DDX43: variants seen among roughly 807,000 people sequenced by gnomAD.
DDX43 encodes probable ATP-dependent RNA helicase DDX43.
Under a neutral mutation model 84.9 loss-of-function variants are expected in DDX43, and 50 were observed. The observed-to-expected ratio is 0.59, with a 90% CI of 0.47 to 0.75. The LOEUF (loss-of-function observed/expected upper bound fraction) is 0.75, where lower values mean the gene tolerates loss of function less well. Among genes scored for constraint, DDX43 ranks in the 30% least tolerant of loss-of-function variants. The probability of loss-of-function intolerance (pLI) is 0.00; values close to 1 mark genes in which losing one functional copy is unlikely to be tolerated. For missense variants in DDX43, 689 were observed against 798.6 expected (o/e 0.86, Z 1.65); for synonymous variants, 291 against 266.3 (o/e 1.09, Z -0.90).
chr6:73,394,850 G>C lies in DDX43; in HGVS notation c.-56G>C. 6.3e-7 allele frequency: 1 copy of C among 1,590,796 alleles called. No homozygotes were observed. The highest frequency in any genetic ancestry group is 8.6e-7 in the Non-Finnish European group (1 of 1,167,964). ...GGCACGCTACTCTTACGACGTCACG[G>C]TCAGGTGGTGCAGAGCTGGACGGCA... is the stretch of plus-strand genomic sequence containing the variant. On this transcript the variant is annotated 5_prime_UTR_variant, in exon 1 of 17. Transcript: ENST00000370336.
intron 9 of DDX43, among the ~76,000 whole-genome samples, chr6:73,408,552 T>C (rs1053994893): frequency 2.0e-5 from 3 of 152,082 alleles, no homozygotes; most frequent in Non-Finnish European, 4.4e-5. Flanking sequence ...GCTGTCGATT[T>C]TATTTTTTAT....
chr6:73,398,041 C>T, intron 2 of DDX43: 1 of 213,304 alleles, frequency 4.7e-6, no homozygotes, highest in Non-Finnish European at 9.2e-6. Flanking sequence ...CAACTCCTGG[C>T]CTCAAGTGAT....
chr6:73,416,464 T>C (rs1284522647), intron 16 of DDX43, among the ~76,000 whole-genome samples: 1 of 152,144 alleles, frequency 6.6e-6, no homozygotes, highest in Non-Finnish European at 1.5e-5. Flanking sequence ...CTATTCATAA[T>C]AGTCAAGGGT....
intron 11 of DDX43, 74 bp from the exon 12 acceptor site, chr6:73,413,582 GCA>G: frequency 2.9e-6 from 4 of 1,363,958 alleles, no homozygotes; most frequent in South Asian, 3.0e-5. Context: ...GAGAGAAGAT[GCA>G]TTTTGAGCTG....
At chr6:73,412,680 T>TGTGTGTGTGCGCGTGCGTGCGCAC (rs1562286196) in intron 11 of DDX43, among the ~76,000 whole-genome samples, 1 of 108,516 alleles carries the variant, frequency 9.2e-6, no homozygotes, top group Non-Finnish European at 1.9e-5. Context: ...CGCGCGCGCG[T>TGTGTGTGTGCGCGTGCGTGCGCAC]GTGTGTGTGT....
At chr6:73,406,136 G>T (rs2150794937) in intron 6 of DDX43, among the ~76,000 whole-genome samples, 1 of 151,390 alleles carries the variant, frequency 6.6e-6, no homozygotes, top group Non-Finnish European at 1.5e-5. Flanking sequence ...CAAGTCTCCT[G>T]CCTCAGCCTC....
Position 73,414,021 on chromosome 6 carries a change from T to C in DDX43, c.1548T>C (p.Ser516=), listed in dbSNP as rs775832549. 2 of 1,612,570 alleles carry C rather than the reference T, an allele frequency of 1.2e-6. No individual in the cohort carries two copies. The highest frequency in any genetic ancestry group is 1.1e-5 in the South Asian group (1 of 91,044). The change falls in exon 13 of 17, where the codon TCT becomes TCC. Residue 516 remains serine (S), a synonymous_variant. Coordinates refer to ENST00000370336, the MANE Select transcript of DDX43 (RefSeq NM_018665.3). ...TACTTGGAAATATATCAGTAGAGTC[T>C]CTGCATGGAGATAGAGAACAGAGAG... The part of the protein sequence containing the change: ...DLILGNISVE[S]LHGDREQRDR...
At chr6:73,408,811 C>T (rs62440594) in intron 9 of DDX43, among the ~76,000 whole-genome samples, 5,778 of 152,272 alleles carry the variant, frequency 0.038, 125 homozygotes, top group African/African-American at 0.062. Flanking sequence ...CTGCCTCGGC[C>T]TCCCAAAGTG....
Position 73,408,057 on chromosome 6 carries a change from C to G in DDX43, c.1135C>G (p.Leu379Val), listed in dbSNP as rs776354264. ...TGCAACTCCCGGAAGATTGAATGAT[C>G]TGCAAATGAGTAACTTCGTCAATCT... ...IIATPGRLND[L>V]QMSNFVNLKN... Residue 379 changes from leucine to valine, a missense_variant, in exon 9 of 17, where the codon CTG (leucine) becomes GTG (valine). By Grantham distance (32) the Leu-to-Val change is conservative (BLOSUM62 1). Coordinates refer to ENST00000370336, the MANE Select transcript of DDX43 (RefSeq NM_018665.3). The G allele has an allele frequency of 1.4e-5, 23 of 1,613,850 alleles. No homozygotes were observed. Among genetic ancestry groups the G allele is most frequent in the Non-Finnish European group, 1.9e-5 (23 of 1,179,932 alleles).
chr6:73,413,126 C>A (rs1256838819), intron 11 of DDX43, among the ~76,000 whole-genome samples: 2 of 152,112 alleles, frequency 1.3e-5, no homozygotes, highest in African/African-American at 4.8e-5. Flanking sequence ...AGTCTGTTCC[C>A]TTTATGAAGT....
In DDX43 at chr6:73,410,957, C is replaced by T. The variant is rs1009388666; in HGVS notation, c.1281-1248C>T. Among the ~76,000 whole-genome samples, 35 of 151,842 alleles carry T rather than the reference C, an allele frequency of 2.3e-4. 1 individual carries two copies. The highest frequency in any genetic ancestry group is 2.0e-3 in the Admixed American group (31 of 15,264). On this transcript the variant is annotated intron_variant, in intron 10 of 16. Coordinates refer to ENST00000370336, the MANE Select transcript of DDX43 (RefSeq NM_018665.3). ...ATCCCAGCACTTTGGGAGGCCGAGA[C>T]GAGCGAATCACGAGGTCAGGAGATC...
At chr6:73,416,363 A>G (rs1769899673) in intron 16 of DDX43, 112 bp downstream of exon 16, 5 of 565,622 alleles carry the variant, frequency 8.8e-6, no homozygotes, top group Non-Finnish European at 1.3e-5. Context: ...ATAATAAACT[A>G]GGTGTTACTC....
intron 5 of DDX43, 78 bp from the exon 6 acceptor site, chr6:73,405,601 G>T: frequency 7.0e-7 from 1 of 1,430,926 alleles, no homozygotes; most frequent in South Asian, 1.3e-5. Context: ...TTCTAGATAA[G>T]ACCAGCACTG....
chr6:73,408,156 C>T lies in DDX43; in HGVS notation c.1179+55C>T, dbSNP rs748705530. The T allele has an allele frequency of 4.1e-5, 65 of 1,577,832 alleles. 2 individuals are homozygous for T. Among genetic ancestry groups the T allele is most frequent in the South Asian group, 1.6e-4 (14 of 88,276 alleles). ...TGGGTTCAAAAATAACTGAACTGGCCGGGCGCAGTGGGTCACGCCTGTAAT... is the reference window on the plus strand; with the variant it reads ...TGGGTTCAAAAATAACTGAACTGGCTGGGCGCAGTGGGTCACGCCTGTAAT... On this transcript the variant is annotated intron_variant, in intron 9 of 16. Coordinates refer to ENST00000370336, the MANE Select transcript of DDX43 (RefSeq NM_018665.3).
chr6:73,394,843 C>T lies in DDX43; in HGVS notation c.-63C>T, dbSNP rs1267054537. 1.3e-6 allele frequency: 2 copies of T among 1,579,930 alleles called. No homozygotes were observed. The highest frequency in any genetic ancestry group is 1.2e-5 in the South Asian group (1 of 85,298). On this transcript the variant is annotated 5_prime_UTR_variant, in exon 1 of 17. The change creates a new upstream start codon in the 5' untranslated region. Transcript: ENST00000370336. ...CTTCCCTGGCACGCTACTCTTACGA[C>T]GTCACGGTCAGGTGGTGCAGAGCTG...
intron 1 of DDX43, among the ~76,000 whole-genome samples, chr6:73,395,358 A>G (rs1310776488): frequency 2.0e-5 from 3 of 152,152 alleles, no homozygotes; most frequent in African/African-American, 4.8e-5. Context: ...TAATCCCAGT[A>G]TTTTGGGAGG....
intron 10 of DDX43, among the ~76,000 whole-genome samples, chr6:73,411,455 A>C (rs1436994967): frequency 6.6e-6 from 1 of 150,664 alleles, no homozygotes; most frequent in Non-Finnish European, 1.5e-5. Context: ...CAGCCTCCCG[A>C]GTAGCTGGGA....
chr6:73,395,588 T>C (rs1769451901), intron 1 of DDX43, among the ~76,000 whole-genome samples: 1 of 149,680 alleles, frequency 6.7e-6, no homozygotes, highest in South Asian at 2.1e-4. Context: ...CACTCCAGCC[T>C]AGGTGACAGA....
At chr6:73,414,107 C>T in intron 13 of DDX43, 28 bp downstream of exon 13, 1 of 1,398,260 alleles carries the variant, frequency 7.2e-7, no homozygotes, top group Non-Finnish European at 1.0e-6. Context: ...GTATTTCATA[C>T]AGTTTAAAAT....
Sources: allele counts gnomAD v4.1 joint callset (sites outside exome capture counted in the v4.1 genomes callset), GRCh38; gene constraint gnomAD v4.1.1; transcripts MANE v1.5; gene names NCBI Gene and HGNC (gene_info 2026-07-23, HGNC 2026-07-21).